PRR16: variants seen among roughly 807,000 people sequenced by gnomAD.
PRR16 encodes the protein proline rich 16.
A neutral mutation model predicts 18.2 loss-of-function variants in PRR16; 6 were observed. The ratio of observed to expected loss-of-function variants is 0.33; its 90% CI spans 0.18 to 0.65. PRR16 has a LOEUF of 0.65. PRR16 is among the 30% of genes least tolerant of loss of function. The pLI is 0.74. For synonymous variants in PRR16, 151 were observed against 147.8 expected, an observed-to-expected ratio of 1.02 and a Z score of -0.16; for missense variants, 412 against 376.6, an observed-to-expected ratio of 1.09 and a Z score of -0.78.
At chr5:120,480,150 C>T (rs1749564778) in intron 1 of PRR16, among the ~76,000 whole-genome samples, 1 of 152,162 alleles carries the variant, frequency 6.6e-6, no homozygotes, top group African/African-American at 2.4e-5. Context: ...CAGTACGAGC[C>T]TGTAATCCCA....
At chr5:120,762,912 T>C in the PRR16 span, among the ~76,000 whole-genome samples, 12 of 152,272 alleles carry the variant, frequency 7.9e-5, no homozygotes, top group African/African-American at 2.9e-4. Flanking sequence ...AGATCTTAGG[T>C]TTAAGTCTTT....
Position 120,519,844 on chromosome 5 carries a change from C to G in PRR16, c.159+55199C>G, listed in dbSNP as rs193044560. Among the ~76,000 whole-genome samples the G allele has an allele frequency of 2.0e-5, 3 of 152,146 alleles. No homozygotes were observed. In the East Asian group the frequency reaches 5.8e-4, roughly 29 times the overall value. On this transcript the variant is annotated intron_variant, in intron 1 of 1. Coordinates refer to ENST00000407149, the MANE Select transcript of PRR16 (RefSeq NM_001300783.2). The stretch of plus-strand genomic sequence containing the variant: ...AAATAAAATCCCTAGCTTCCTAGAG[C>G]TGAAAAAGAATAATTTTTATGGGTT...
At chr5:120,699,889 G>A in the PRR16 span, among the ~76,000 whole-genome samples, 4 of 152,176 alleles carry the variant, frequency 2.6e-5, no homozygotes, top group East Asian at 1.9e-4. Context: ...GAATTATGCC[G>A]AGATAGGTAA....
chr5:120,648,752 G>A lies in PRR16; in HGVS notation c.160-37202G>A, dbSNP rs374243576. ...ATGTGCTGGCAAATGTTTTACAACC[G>A]GCTTTTTGAGGTGGGAAGGCAAAGC... On this transcript the variant is annotated intron_variant, in intron 1 of 1. Coordinates refer to ENST00000407149, the MANE Select transcript of PRR16 (RefSeq NM_001300783.2). Among the ~76,000 whole-genome samples the A allele has an allele frequency of 3.0e-4, 46 of 152,142 alleles. 2 individuals carry two copies. Among genetic ancestry groups the A allele is most frequent in the East Asian group, 2.5e-3 (13 of 5,174 alleles).
At chr5:120,763,350 G>A in the PRR16 span, among the ~76,000 whole-genome samples, 2 of 152,066 alleles carry the variant, frequency 1.3e-5, no homozygotes, top group African/African-American at 4.8e-5. Flanking sequence ...GTTTCGCCAT[G>A]TTGGCCAGGC....
chr5:120,646,737 C>G (rs1755614826), intron 1 of PRR16, among the ~76,000 whole-genome samples: 3 of 151,792 alleles, frequency 2.0e-5, no homozygotes, highest in Admixed American at 1.3e-4. Flanking sequence ...GAGCTAAGAT[C>G]CTGATTTGGG....
At chr5:120,721,829 C>T in the PRR16 span, among the ~76,000 whole-genome samples, 3 of 152,032 alleles carry the variant, frequency 2.0e-5, no homozygotes, top group Non-Finnish European at 2.9e-5. Context: ...CTGGTGCTTG[C>T]ACCAGATAGC....
chr5:120,582,191 A>T (rs1441870876), intron 1 of PRR16, among the ~76,000 whole-genome samples: 3 of 152,164 alleles, frequency 2.0e-5, no homozygotes, highest in Admixed American at 6.6e-5. Context: ...TCCTAAGAGA[A>T]CTAACTCAGA....
chr5:120,476,186 A>G lies in PRR16; in HGVS notation c.159+11541A>G, dbSNP rs1749436400. Among the ~76,000 whole-genome samples the G allele has an allele frequency of 2.0e-5, 3 of 152,280 alleles. 1 individual carries two copies. The South Asian group carries it at 6.2e-4, about 32-fold the overall frequency. On this transcript the variant is annotated intron_variant, in intron 1 of 1. Coordinates refer to ENST00000407149, the MANE Select transcript of PRR16 (RefSeq NM_001300783.2). ...CTTTCTTTGGGCCAGTCCCCTGCTT[A>G]AAAGATCACCCACTATCTCCTGTTA...
chr5:120,583,688 C>G (rs1753347458), intron 1 of PRR16, among the ~76,000 whole-genome samples: 1 of 152,108 alleles, frequency 6.6e-6, no homozygotes, highest in Admixed American at 6.5e-5. Flanking sequence ...AAGGACACCT[C>G]TGGAGGTTGC....
At chr5:120,531,042 T>C (rs1187929937) in intron 1 of PRR16, among the ~76,000 whole-genome samples, 1 of 152,192 alleles carries the variant, frequency 6.6e-6, no homozygotes, top group Non-Finnish European at 1.5e-5. Flanking sequence ...TGGCAGCCTC[T>C]TCTTTCTGCC....
At chr5:120,701,005 C>T in the PRR16 span, among the ~76,000 whole-genome samples, 96 of 152,266 alleles carry the variant, frequency 6.3e-4, 1 homozygote, top group African/African-American at 2.1e-3. Flanking sequence ...GGAGGAATCC[C>T]GGGCTGCGGG....
At chr5:120,641,732 G>A (rs917133854) in intron 1 of PRR16, among the ~76,000 whole-genome samples, 3 of 152,086 alleles carry the variant, frequency 2.0e-5, no homozygotes, top group Non-Finnish European at 2.9e-5. Flanking sequence ...CTGAAAAAAT[G>A]TTCCAGGGAC....
At chr5:120,635,413 T>C (rs1755194208) in intron 1 of PRR16, among the ~76,000 whole-genome samples, 3 of 152,088 alleles carry the variant, frequency 2.0e-5, no homozygotes, top group Non-Finnish European at 1.5e-5. Context: ...AAAAAGATAA[T>C]GCACCATGAT....
chr5:120,656,698 A>T (rs1180916090), intron 1 of PRR16, among the ~76,000 whole-genome samples: 1 of 151,916 alleles, frequency 6.6e-6, no homozygotes, highest in Non-Finnish European at 1.5e-5. Flanking sequence ...TCTATTATAA[A>T]CAAATATAAG....
the PRR16 span, among the ~76,000 whole-genome samples, chr5:120,768,910 G>A: frequency 0.02 from 3,088 of 151,606 alleles, 113 homozygotes; most frequent in African/African-American, 0.07. Context: ...TAATTAAAAC[G>A]ATGTCATTCA....
chr5:120,653,782 A>T (rs999801106), intron 1 of PRR16, among the ~76,000 whole-genome samples: 1 of 152,020 alleles, frequency 6.6e-6, no homozygotes, highest in Admixed American at 6.6e-5. Flanking sequence ...CTCTTGTGCC[A>T]TACACCTCAT....
At chr5:120,500,407 G>C (rs1750407761) in intron 1 of PRR16, among the ~76,000 whole-genome samples, 1 of 152,164 alleles carries the variant, frequency 6.6e-6, no homozygotes, top group Non-Finnish European at 1.5e-5. Flanking sequence ...GATATATAAT[G>C]TCCAGGGTTT....
At chr5:120,649,066 A>C (rs936424729) in intron 1 of PRR16, among the ~76,000 whole-genome samples, 1 of 152,162 alleles carries the variant, frequency 6.6e-6, no homozygotes, top group Non-Finnish European at 1.5e-5. Context: ...CAATTGGCTC[A>C]CAAATTCCAG....
Sources: allele counts gnomAD v4.1 joint callset (sites outside exome capture counted in the v4.1 genomes callset), GRCh38; gene constraint gnomAD v4.1.1; transcripts MANE v1.5; gene names NCBI Gene and HGNC (gene_info 2026-07-23, HGNC 2026-07-21).